Variants in TRAPPC3L observed in about 807,000 individuals in gnomAD.
TRAPPC3L encodes trafficking protein particle complex subunit 3L.
A neutral mutation model predicts 23.7 loss-of-function variants in TRAPPC3L; 23 were observed. That is an observed-to-expected ratio of 0.97 (90% CI 0.70 to 1.37). The LOEUF (loss-of-function observed/expected upper bound fraction) is 1.37. TRAPPC3L is among the 40% of genes most tolerant of loss of function. The probability of loss-of-function intolerance (pLI) is 0.00; values close to 1 mark genes in which losing one functional copy is unlikely to be tolerated. For synonymous variants in TRAPPC3L, 81 were observed against 77.9 expected, an observed-to-expected ratio of 1.04 and a Z score of -0.21; for missense variants, 212 against 216.8, an observed-to-expected ratio of 0.98 and a Z score of 0.14.
At chr6:116,502,125 G>A (rs920779267) in intron 3 of TRAPPC3L, among the ~76,000 whole-genome samples, 3 of 152,124 alleles carry the variant, frequency 2.0e-5, no homozygotes, top group Non-Finnish European at 2.9e-5. Flanking sequence ...TAAAAACCTT[G>A]AAAAAAGGTT....
chr6:116,535,662 T>C (rs768468770), intron 3 of TRAPPC3L, among the ~76,000 whole-genome samples: 4 of 152,220 alleles, frequency 2.6e-5, no homozygotes, highest in Non-Finnish European at 5.9e-5. Context: ...TAAGTAACAG[T>C]TGAATTATCT....
At chr6:116,539,420 C>A (rs946536174) in intron 3 of TRAPPC3L, among the ~76,000 whole-genome samples, 3 of 151,996 alleles carry the variant, frequency 2.0e-5, no homozygotes, top group Non-Finnish European at 4.4e-5. Flanking sequence ...ATGGAAAAAT[C>A]TTTCATTTGG....
Position 116,535,547 on chromosome 6 carries a change from A to G in TRAPPC3L, c.240+4816T>C, listed in dbSNP as rs1489084090. 2.0e-5 allele frequency among the ~76,000 whole-genome samples: 3 copies of G among 152,212 alleles called. No homozygotes were observed. In the East Asian group the frequency reaches 5.8e-4, roughly 29 times the overall value. On this transcript the variant is annotated intron_variant, in intron 3 of 4. Transcript: ENST00000368602. ...CATAAATGTGTTTGGAAACCCTAAA[A>G]TATATTTTGTATAACTAAGGAGGTT... is the stretch of plus-strand genomic sequence containing the variant.
chr6:116,512,130 A>C (rs753942824), intron 3 of TRAPPC3L: 2 of 1,613,968 alleles, frequency 1.2e-6, no homozygotes, highest in Non-Finnish European at 1.7e-6. Context: ...TGCAAGGGTA[A>C]GCCCAAAGAG....
At chr6:116,505,265 A>G (rs1169473155) in intron 3 of TRAPPC3L, among the ~76,000 whole-genome samples, 1 of 152,228 alleles carries the variant, frequency 6.6e-6, no homozygotes, top group Non-Finnish European at 1.5e-5. Context: ...ACTCCCATTC[A>G]CAAATCCTAC....
chr6:116,520,868 G>A (rs1214205624), intron 3 of TRAPPC3L: 28 of 151,904 alleles, frequency 1.8e-4, no homozygotes, highest in Admixed American at 1.8e-3. Flanking sequence ...AATATACCAT[G>A]GGTTTTCTTG....
At position 116,495,321 on chromosome 6, in the gene TRAPPC3L, C is replaced by G. The variant is rs1771819432; in HGVS notation, c.*1633G>C. ...TGAACATAATGACCTCTAGTTCCAT[C>G]CATGTTTTGCAAATGACAGGATCTC... On this transcript the variant is annotated 3_prime_UTR_variant, in exon 5 of 5. Coordinates refer to ENST00000368602, the MANE Select transcript of TRAPPC3L (RefSeq NM_001139444.3). The G allele has an allele frequency of 6.6e-6, 1 of 152,014 alleles. No individual in the cohort carries two copies. The highest frequency in any genetic ancestry group is 2.1e-4 in the South Asian group (1 of 4,828). The allele number at this position is 152,014 out of a possible 1,614,324, so 9.4% of individuals were successfully genotyped here.
chr6:116,523,300 A>T (rs1437212069), intron 3 of TRAPPC3L: 1 of 152,182 alleles, frequency 6.6e-6, no homozygotes, highest in African/African-American at 2.4e-5. Context: ...GGAATATTTT[A>T]AAGTTTACTT....
At chr6:116,517,755 AG>A (rs1772255702) in intron 3 of TRAPPC3L, 1 of 152,196 alleles carries the variant, frequency 6.6e-6, no homozygotes, top group South Asian at 2.1e-4. Context: ...GCCTCAGAAT[AG>A]GGTCTGGTTG....
At chr6:116,516,909 A>C (rs1167813892) in intron 3 of TRAPPC3L, 1 of 152,034 alleles carries the variant, frequency 6.6e-6, no homozygotes, top group Non-Finnish European at 1.5e-5. Flanking sequence ...TTGGGCTACT[A>C]TAACAAAATA....
At chr6:116,500,715 C>G (rs1193338993) in intron 3 of TRAPPC3L, 49 bp from the exon 4 acceptor site, 1 of 1,491,600 alleles carries the variant, frequency 6.7e-7, no homozygotes, top group Admixed American at 2.0e-5. Context: ...GAACAAATAA[C>G]TATGAGCAGA....
chr6:116,538,613 TA>T (rs1773237861), intron 3 of TRAPPC3L, among the ~76,000 whole-genome samples: 1 of 152,220 alleles, frequency 6.6e-6, no homozygotes, highest in East Asian at 1.9e-4. Flanking sequence ...GTTCAAAGCC[TA>T]ATAAACAACC....
intron 3 of TRAPPC3L, among the ~76,000 whole-genome samples, chr6:116,540,003 A>C (rs921396925): frequency 1.3e-5 from 2 of 152,150 alleles, no homozygotes; most frequent in African/African-American, 4.8e-5. Flanking sequence ...ACTACCAAAA[A>C]CCATCTCCCT....
At chr6:116,504,222 A>G (rs185881735) in intron 3 of TRAPPC3L, among the ~76,000 whole-genome samples, 40 of 152,330 alleles carry the variant, frequency 2.6e-4, no homozygotes, top group African/African-American at 9.6e-4. Flanking sequence ...CCACAGAAAT[A>G]CAAACTAACA....
intron 2 of TRAPPC3L, among the ~76,000 whole-genome samples, chr6:116,542,477 A>C (rs981459964): frequency 2.6e-5 from 4 of 152,142 alleles, no homozygotes; most frequent in African/African-American, 9.6e-5. Flanking sequence ...TGTTAGGCTA[A>C]ATTTCCCCTT....
chr6:116,506,511 T>G (rs1241997438), intron 3 of TRAPPC3L, among the ~76,000 whole-genome samples: 2 of 152,226 alleles, frequency 1.3e-5, no homozygotes, highest in African/African-American at 4.8e-5. Context: ...ATCCCATTAC[T>G]GGGTATATAT....
intron 3 of TRAPPC3L, chr6:116,515,774 G>A (rs756870417): frequency 1.3e-5 from 21 of 1,613,888 alleles, no homozygotes; most frequent in African/African-American, 4.0e-5. Context: ...CAAGCTGAGC[G>A]AGAGGAACCT....
intron 3 of TRAPPC3L, among the ~76,000 whole-genome samples, chr6:116,528,464 A>T (rs1463000964): frequency 6.6e-6 from 1 of 152,262 alleles, no homozygotes; most frequent in Non-Finnish European, 1.5e-5. Context: ...AAACAAGCCT[A>T]AGTGGTTATG....
chr6:116,524,368 A>AC (rs1373445912), intron 3 of TRAPPC3L: 1 of 152,080 alleles, frequency 6.6e-6, no homozygotes, highest in Non-Finnish European at 1.5e-5. Flanking sequence ...TTTGTCAATC[A>AC]CCCCCTGCTT....
Sources: allele counts gnomAD v4.1 joint callset (sites outside exome capture counted in the v4.1 genomes callset), GRCh38; gene constraint gnomAD v4.1.1; transcripts MANE v1.5; gene names NCBI Gene and HGNC (gene_info 2026-07-23, HGNC 2026-07-21).